DLG2: variants seen among roughly 807,000 people sequenced by gnomAD.
DLG2 encodes discs large MAGUK scaffold protein 2, also known as disks large homolog 2.
In DLG2, 45 loss-of-function variants were observed where a neutral mutation model predicts 132.5. The observed-to-expected ratio is 0.34, with a 90% confidence interval of 0.27 to 0.44. The LOEUF is 0.44. Among genes scored for constraint, DLG2 ranks in the 20% least tolerant of loss-of-function variants. DLG2 has a pLI of 1.00. For synonymous variants in DLG2, 424 were observed against 419.6 expected (o/e 1.01, Z -0.13); for missense variants, 1,045 against 1,196.9 (o/e 0.87, Z 1.87).
chr11:84,277,014 G>A (rs1327484130), intron 7 of DLG2, among the ~76,000 whole-genome samples: 2 of 152,142 alleles, frequency 1.3e-5, no homozygotes, highest in African/African-American at 4.8e-5. Flanking sequence ...TAACTTCCAG[G>A]CCATATTCCA....
At chr11:83,849,619 A>T (rs1181280953) in intron 16 of DLG2, among the ~76,000 whole-genome samples, 1 of 152,126 alleles carries the variant, frequency 6.6e-6, no homozygotes, top group African/African-American at 2.4e-5. Flanking sequence ...GAAGGAGATC[A>T]CACTTTAATT....
intron 3 of DLG2, among the ~76,000 whole-genome samples, chr11:85,498,203 C>A (rs1401334593): frequency 5.9e-5 from 9 of 152,128 alleles, no homozygotes; most frequent in Non-Finnish European, 1.0e-4. Context: ...TGCAAATACA[C>A]ACACAGGCTC....
chr11:85,421,557 T>C (rs767507609), intron 3 of DLG2, among the ~76,000 whole-genome samples: 2 of 151,906 alleles, frequency 1.3e-5, no homozygotes, highest in East Asian at 1.9e-4. Flanking sequence ...CAAGTCCTTA[T>C]GTGTTAGGTG....
rs564503327 is a variant in DLG2 at position 84,183,567 on chromosome 11, T to C, written c.574-20056A>G. Among the ~76,000 whole-genome samples, 31 of 152,314 alleles carry C rather than the reference T, an allele frequency of 2.0e-4. No homozygotes were observed. In the South Asian group the frequency reaches 6.4e-3, roughly 32 times the overall value. ...ATAAGTAAACTTGGAAATATATCAA[T>C]AGAAATGTTTCTTTTTTTTAAATTA... On this transcript the variant is annotated intron_variant, in intron 8 of 27. Transcript: ENST00000376104.
At chr11:84,884,505 A>C (rs1366022851) in intron 6 of DLG2, among the ~76,000 whole-genome samples, 1 of 152,148 alleles carries the variant, frequency 6.6e-6, no homozygotes, top group Non-Finnish European at 1.5e-5. Context: ...TTTCAGCTTT[A>C]TAGTCCTAAG....
At chr11:84,000,513 G>A (rs1026723372) in intron 11 of DLG2, among the ~76,000 whole-genome samples, 4 of 151,978 alleles carry the variant, frequency 2.6e-5, no homozygotes, top group African/African-American at 9.7e-5. Context: ...AGATACAGGA[G>A]GCTCTGAGAT....
At chr11:84,576,978 G>C (rs566501009) in intron 6 of DLG2, among the ~76,000 whole-genome samples, 2 of 152,138 alleles carry the variant, frequency 1.3e-5, no homozygotes, top group African/African-American at 4.8e-5. Flanking sequence ...GGAGGGACTC[G>C]GGGAGGTAAT....
At chr11:84,076,562 T>C (rs1031861530) in intron 10 of DLG2, among the ~76,000 whole-genome samples, 1 of 152,238 alleles carries the variant, frequency 6.6e-6, no homozygotes, top group African/African-American at 2.4e-5. Flanking sequence ...TAATGGCTTC[T>C]GGTCTTGTTC....
At chr11:84,076,700 G>A (rs745861965) in intron 10 of DLG2, among the ~76,000 whole-genome samples, 1 of 152,168 alleles carries the variant, frequency 6.6e-6, no homozygotes, top group Admixed American at 6.5e-5. Context: ...GAAGTTAGTG[G>A]AGAAAATCCT....
chr11:84,866,532 A>G (rs750357917), intron 6 of DLG2, among the ~76,000 whole-genome samples: 17 of 152,218 alleles, frequency 1.1e-4, no homozygotes, highest in Non-Finnish European at 1.9e-4. Context: ...GATGCTAGGT[A>G]GAGTCTTGTC....
chr11:85,105,689 G>T (rs1038834008), intron 6 of DLG2, among the ~76,000 whole-genome samples: 1 of 151,810 alleles, frequency 6.6e-6, no homozygotes, highest in Admixed American at 6.6e-5. Flanking sequence ...TCCTGGCTTC[G>T]ATTTATAAGA....
intron 3 of DLG2, among the ~76,000 whole-genome samples, chr11:85,379,287 C>T (rs762197909): frequency 1.8e-4 from 28 of 152,132 alleles, no homozygotes; most frequent in Non-Finnish European, 2.8e-4. Flanking sequence ...CAACCACAGA[C>T]GCTCCTCCCT....
At chr11:83,981,429 AAATT>A (rs536086486) in intron 11 of DLG2, among the ~76,000 whole-genome samples, 165 of 152,178 alleles carry the variant, frequency 1.1e-3, no homozygotes, top group African/African-American at 3.0e-3. Flanking sequence ...GAATGTTAAA[AAATT>A]AATTAATTAA....
intron 21 of DLG2, among the ~76,000 whole-genome samples, chr11:83,488,029 G>GA (rs1446465714): frequency 6.6e-6 from 1 of 151,856 alleles, no homozygotes; most frequent in Non-Finnish European, 1.5e-5. Context: ...GAATATACTA[G>GA]AAAACATTGA....
At chr11:83,825,094 T>C (rs1229405350) in intron 17 of DLG2, among the ~76,000 whole-genome samples, 3 of 146,690 alleles carry the variant, frequency 2.0e-5, no homozygotes, top group African/African-American at 7.5e-5. Context: ...CACATATATA[T>C]ACACATATAT....
chr11:83,985,049 C>G (rs1384373431), intron 11 of DLG2, among the ~76,000 whole-genome samples: 1 of 152,048 alleles, frequency 6.6e-6, no homozygotes, highest in Non-Finnish European at 1.5e-5. Flanking sequence ...GTTCTAAACC[C>G]AGATAATGCA....
intron 6 of DLG2, among the ~76,000 whole-genome samples, chr11:84,630,731 A>C (rs898816308): frequency 1.3e-4 from 20 of 152,168 alleles, no homozygotes; most frequent in African/African-American, 4.8e-4. Context: ...ATTCACCTCA[A>C]TATTATTCTG....
At chr11:84,028,341 T>C (rs185751362) in intron 11 of DLG2, among the ~76,000 whole-genome samples, 1 of 152,230 alleles carries the variant, frequency 6.6e-6, no homozygotes, top group East Asian at 1.9e-4. Context: ...ACTAGGTTAT[T>C]AATATGAATT....
At chr11:85,035,982 G>A (rs550664528) in intron 6 of DLG2, among the ~76,000 whole-genome samples, 2 of 152,078 alleles carry the variant, frequency 1.3e-5, no homozygotes, top group African/African-American at 2.4e-5. Flanking sequence ...AATAAAAAAG[G>A]TTTCAAAATA....
Sources: gnomAD v4.1 joint callset for allele counts (sites outside exome capture counted in the v4.1 genomes callset) on GRCh38, gnomAD v4.1.1 for gene constraint, MANE v1.5 for transcripts, NCBI Gene and HGNC (gene_info 2026-07-23, HGNC 2026-07-21) for gene names.